The following DOCK2 variants were observed in gnomAD, a reference collection of about 807,000 sequenced individuals.
The protein encoded by DOCK2 is dedicator of cytokinesis 2.
Under a neutral mutation model 248.9 loss-of-function variants are expected in DOCK2, and 87 were observed. The ratio of observed to expected loss-of-function variants is 0.35; its 90% CI spans 0.29 to 0.42. The LOEUF is 0.42. Ranked by LOEUF, DOCK2 falls within the 10% of genes least tolerant of loss-of-function variation. DOCK2 has a pLI of 1.00. For synonymous variants in DOCK2, 805 were observed against 821.6 expected, an observed-to-expected ratio of 0.98 and a Z score of 0.35; for missense variants, 1,747 against 2,300.2, an observed-to-expected ratio of 0.76 and a Z score of 4.92.
intron 27 of DOCK2, among the ~76,000 whole-genome samples, chr5:169,963,982 G>A (rs1777196080): frequency 6.6e-6 from 1 of 152,104 alleles, no homozygotes; most frequent in South Asian, 2.1e-4. Flanking sequence ...CTGCTTCAAG[G>A]GGAGGGAGCA....
rs189140579 is a variant in DOCK2 at position 169,689,300 on chromosome 5, T to A, written c.810T>A (p.Ile270=). 1 of 1,613,818 alleles carries A rather than the reference T, an allele frequency of 6.2e-7. No individual in the cohort carries two copies. The highest frequency in any genetic ancestry group is 1.3e-5 in the African/African-American group (1 of 74,902). The change falls in exon 9 of 52, where the codon ATT becomes ATA. Residue 270 remains isoleucine (I), a synonymous_variant. Coordinates refer to ENST00000520908, the MANE Select transcript of DOCK2 (RefSeq NM_004946.3). Reference sequence around the variant, plus strand: ...GCAGCCGGGGCTTCCCTAAGGAGATTGAGATGCTCAACAATCTGAAGGTGG... The same window carrying A: ...GCAGCCGGGGCTTCCCTAAGGAGATAGAGATGCTCAACAATCTGAAGGTGG... The part of the protein sequence containing the change: ...RWGSRGFPKE[I]EMLNNLKVVF...
intron 27 of DOCK2, among the ~76,000 whole-genome samples, chr5:169,954,087 C>T (rs1421486995): frequency 1.3e-5 from 2 of 152,290 alleles, no homozygotes; most frequent in Non-Finnish European, 2.9e-5. Context: ...GGAGATTTCA[C>T]CCCACATTTT....
At position 170,083,149 on chromosome 5, in the gene DOCK2, A is replaced by T. The variant is rs961013748; in HGVS notation, c.*291A>T. 2.7e-6 allele frequency: 1 copy of T among 368,668 alleles called. No homozygotes were observed. 22.8% of individuals were successfully genotyped at this position (368,668 alleles called of 1,614,324 possible). A position where few individuals can be genotyped will look rare whatever the true frequency, so the allele number is the denominator to read the frequency against. On this transcript the variant is annotated 3_prime_UTR_variant, in exon 52 of 52. Transcript: ENST00000520908. ...GTGCTCTCCCCAACATCCTAGGCAC[A>T]GCTTTCATAACCCAGTTTCTTAGGT...
In DOCK2 at chr5:169,703,397, C is replaced by T. The variant is rs143683670; in HGVS notation, c.1383+970C>T. On this transcript the variant is annotated intron_variant, in intron 14 of 51. Coordinates refer to ENST00000520908, the MANE Select transcript of DOCK2 (RefSeq NM_004946.3). ...ATTTCCTTTATTATGCCCCATTTTA[C>T]AGATAGGGAAACAAAACCCGTGTCA... is the stretch of plus-strand genomic sequence containing the variant. Among the ~76,000 whole-genome samples the T allele has an allele frequency of 2.2e-3, 335 of 152,260 alleles. 2 individuals are homozygous for T. The highest frequency in any genetic ancestry group is 7.7e-3 in the African/African-American group (321 of 41,532).
chr5:169,942,581 T>TGAG (rs1208793659), intron 27 of DOCK2, among the ~76,000 whole-genome samples: 7 of 152,200 alleles, frequency 4.6e-5, no homozygotes, highest in Admixed American at 6.5e-5. Context: ...CCCTCCATTG[T>TGAG]GAGGAGGAGG....
intron 25 of DOCK2, among the ~76,000 whole-genome samples, chr5:169,772,639 A>G (rs1365057310): frequency 6.6e-6 from 1 of 152,230 alleles, no homozygotes; most frequent in Non-Finnish European, 1.5e-5. Context: ...TCCACCAACA[A>G]TGAAAATCTA....
At chr5:169,830,114 CA>C (rs1313038678) in intron 26 of DOCK2, among the ~76,000 whole-genome samples, 1 of 152,128 alleles carries the variant, frequency 6.6e-6, no homozygotes, top group Non-Finnish European at 1.5e-5. Flanking sequence ...ACCTTGCAAC[CA>C]AAAAGACATG....
Position 170,067,490 on chromosome 5 carries a change from G to A in DOCK2, c.4468-20G>A. The stretch of plus-strand genomic sequence containing the variant: ...GACTTAACTAAGGCCCTTTCTTCTT[G>A]GTGATCTCATTTTCAACAGACCACA... On this transcript the variant is annotated intron_variant, in intron 44 of 51. Coordinates refer to ENST00000520908, the MANE Select transcript of DOCK2 (RefSeq NM_004946.3). 6.2e-7 allele frequency: 1 copy of A among 1,607,126 alleles called. No individual in the cohort carries two copies. Among genetic ancestry groups the A allele is most frequent in the Non-Finnish European group, 8.5e-7 (1 of 1,175,864 alleles).
intron 27 of DOCK2, among the ~76,000 whole-genome samples, chr5:169,863,792 T>C (rs1771357777): frequency 6.6e-6 from 1 of 152,262 alleles, no homozygotes; most frequent in Non-Finnish European, 1.5e-5. Context: ...TATGCTGATA[T>C]CTTAGAAAAC....
intron 25 of DOCK2, among the ~76,000 whole-genome samples, chr5:169,782,322 A>G (rs529732219): frequency 1.8e-4 from 27 of 152,210 alleles, no homozygotes; most frequent in Admixed American, 5.2e-4. Flanking sequence ...GGGTACAAGC[A>G]GGAGAGCTGG....
intron 27 of DOCK2, among the ~76,000 whole-genome samples, chr5:169,962,721 TAGAG>T (rs1347215820): frequency 1.3e-5 from 2 of 151,994 alleles, no homozygotes; most frequent in Admixed American, 6.5e-5. Flanking sequence ...TGATAACTCT[TAGAG>T]AGAAAGAGAA....
At chr5:169,808,124 C>A (rs148379665) in intron 26 of DOCK2, among the ~76,000 whole-genome samples, 1 of 152,154 alleles carries the variant, frequency 6.6e-6, no homozygotes, top group African/African-American at 2.4e-5. Context: ...TGGACCTTCT[C>A]TGCTGACAAG....
At chr5:170,059,216 G>T (rs1014981680) in intron 44 of DOCK2, among the ~76,000 whole-genome samples, 1 of 147,626 alleles carries the variant, frequency 6.8e-6, no homozygotes, top group Admixed American at 6.8e-5. Flanking sequence ...CAAAAGGAAG[G>T]AAGTGTCTGT....
intron 47 of DOCK2, 137 bp from the exon 48 acceptor site, chr5:170,077,573 C>A (rs1757877522): frequency 7.8e-7 from 1 of 1,280,736 alleles, no homozygotes; most frequent in Non-Finnish European, 1.1e-6. Context: ...TAGCCTCAGC[C>A]AGCCAGGAAC....
rs888896361 is a variant in DOCK2, at chr5:169,841,381, T to C, written c.2799+529T>C. ...AAATTTCTGCCCCGTCATCTGATTA[T>C]TTTTCTTCTCCCGACACAGAACCCA... On this transcript the variant is annotated intron_variant, in intron 27 of 51. Transcript: ENST00000520908. 13 of 987,394 alleles carry C rather than the reference T, an allele frequency of 1.3e-5. No homozygotes were observed. In the Admixed American group the frequency reaches 7.8e-4, roughly 59 times the overall value. 61.2% of individuals were successfully genotyped at this position (987,394 alleles called of 1,614,324 possible). A position where few individuals can be genotyped will look rare whatever the true frequency, so the allele number is the denominator to read the frequency against.
At chr5:169,731,219 G>A (rs1263268755) in intron 22 of DOCK2, among the ~76,000 whole-genome samples, 2 of 152,130 alleles carry the variant, frequency 1.3e-5, no homozygotes, top group African/African-American at 4.8e-5. Context: ...CCCTGATATG[G>A]TTTGGCTGTG....
At chr5:169,919,258 G>T (rs1775044233) in intron 27 of DOCK2, among the ~76,000 whole-genome samples, 1 of 152,100 alleles carries the variant, frequency 6.6e-6, no homozygotes, top group South Asian at 2.1e-4. Context: ...CATCGATATG[G>T]GGCAGAGGTG....
chr5:169,804,485 TGCGCGC>T (rs1479245337), intron 26 of DOCK2, among the ~76,000 whole-genome samples: 2 of 68,132 alleles, frequency 2.9e-5, no homozygotes, highest in Admixed American at 2.1e-4. Flanking sequence ...TGTGTGTGTG[TGCGCGC>T]GCGCGTGCGC....
chr5:169,759,460 A>G (rs1764359307), intron 23 of DOCK2, among the ~76,000 whole-genome samples: 1 of 152,228 alleles, frequency 6.6e-6, no homozygotes, highest in Admixed American at 6.5e-5. Flanking sequence ...ATAGAACTAC[A>G]AGGTCTGTGG....
Sources: gnomAD v4.1 joint callset for allele counts (sites outside exome capture counted in the v4.1 genomes callset) on GRCh38, gnomAD v4.1.1 for gene constraint, MANE v1.5 for transcripts, NCBI Gene and HGNC (gene_info 2026-07-23, HGNC 2026-07-21) for gene names.